The following PFKFB3 variants were observed in gnomAD, a reference collection of about 807,000 sequenced individuals.
The protein encoded by PFKFB3 is 6-phosphofructo-2-kinase/fructose-2,6-bisphosphatase 3.
A neutral mutation model predicts 68.0 loss-of-function variants in PFKFB3; 33 were observed. The ratio of observed to expected loss-of-function variants is 0.49; its 90% confidence interval spans 0.37 to 0.65. The LOEUF is 0.65. Among genes scored for constraint, PFKFB3 ranks in the 30% least tolerant of loss-of-function variants. PFKFB3 has a pLI of 0.00. For synonymous variants in PFKFB3, 315 were observed against 288.2 expected (o/e 1.09, Z -0.94); for missense variants, 586 against 712.2 (o/e 0.82, Z 2.02).
intron 1 of PFKFB3, among the ~76,000 whole-genome samples, chr10:6,165,388 A>G (rs1842102134): frequency 1.3e-5 from 2 of 152,238 alleles, no homozygotes; most frequent in African/African-American, 4.8e-5. Context: ...AGTATAGATC[A>G]AAATGGAGTT....
chr10:6,156,661 T>C (rs1419694086), intron 1 of PFKFB3, among the ~76,000 whole-genome samples: 1 of 147,240 alleles, frequency 6.8e-6, no homozygotes, highest in African/African-American at 2.5e-5. Context: ...CTAATTTTTG[T>C]ATTTTTAGTA....
intron 1 of PFKFB3, among the ~76,000 whole-genome samples, chr10:6,165,732 A>G (rs1211463794): frequency 6.6e-6 from 1 of 152,118 alleles, no homozygotes; most frequent in East Asian, 1.9e-4. Flanking sequence ...CAGGTTTGTT[A>G]TATAAGTAAA....
chr10:6,190,047 G>T (rs1243405639), intron 1 of PFKFB3, among the ~76,000 whole-genome samples: 1 of 151,890 alleles, frequency 6.6e-6, no homozygotes, highest in African/African-American at 2.4e-5. Context: ...GGGTTCAAGT[G>T]ATTCTCCTGC....
chr10:6,227,628 G>C (rs563209308), intron 14 of PFKFB3, among the ~76,000 whole-genome samples: 2 of 152,230 alleles, frequency 1.3e-5, no homozygotes, highest in Non-Finnish European at 2.9e-5. Flanking sequence ...TGGTGGGGAC[G>C]CGTAGACACG....
chr10:6,226,378 C>G lies in PFKFB3; in HGVS notation c.1515+13C>G, dbSNP rs1564641167. ...GCTGCCTGGACAAGTCAGTGCACTC[C>G]CCTTTCCTTCCTGCCTGGGGGACGC... is the stretch of plus-strand genomic sequence containing the variant. On this transcript the variant is annotated intron_variant, in intron 14 of 14. Coordinates refer to ENST00000379775, the MANE Select transcript of PFKFB3 (RefSeq NM_004566.4). 1.3e-6 allele frequency: 2 copies of G among 1,590,604 alleles called. No individual in the cohort carries two copies. The highest frequency in any genetic ancestry group is 4.5e-5 in the East Asian group (2 of 44,610).
chr10:6,164,792 G>A (rs1377787124), intron 1 of PFKFB3, among the ~76,000 whole-genome samples: 1 of 152,162 alleles, frequency 6.6e-6, no homozygotes, highest in African/African-American at 2.4e-5. Flanking sequence ...GTGCACATAG[G>A]CTAAGTTTAT....
intron 14 of PFKFB3, among the ~76,000 whole-genome samples, chr10:6,247,293 C>G (rs1468673295): frequency 6.6e-6 from 1 of 152,146 alleles, no homozygotes; most frequent in Non-Finnish European, 1.5e-5. Context: ...TGTTTGGAGC[C>G]AAACCTTGGT....
At position 6,215,201 on chromosome 10, in the gene PFKFB3, G is replaced by C; in HGVS notation, c.203-20G>C. Reference sequence around the variant, plus strand: ...TTCCTCCTGCTCGATCATCCAGACTGTTCTCTTTCCCGTCCACAGTGTTCA... The same window carrying C: ...TTCCTCCTGCTCGATCATCCAGACTCTTCTCTTTCCCGTCCACAGTGTTCA... On this transcript the variant is annotated intron_variant, in intron 2 of 14. Transcript: ENST00000379775. The surrounding 1 kb of genome is among the most constrained non-coding windows in gnomAD (Gnocchi z 4.3). The C allele has an allele frequency of 6.2e-7, 1 of 1,608,218 alleles. No individual in the cohort carries two copies. Among genetic ancestry groups the C allele is most frequent in the African/African-American group, 1.3e-5 (1 of 74,906 alleles).
chr10:6,222,511 C>G (rs899935228), intron 10 of PFKFB3, among the ~76,000 whole-genome samples: 2 of 152,240 alleles, frequency 1.3e-5, no homozygotes, highest in Non-Finnish European at 2.9e-5. Flanking sequence ...CCCGCCTGCC[C>G]GGCCCAGCCC....
the PFKFB3 span, among the ~76,000 whole-genome samples, chr10:6,303,221 A>C: frequency 6.6e-6 from 1 of 152,206 alleles, no homozygotes; most frequent in Non-Finnish European, 1.5e-5. Flanking sequence ...CTGTGTGAGG[A>C]ATACATTGAT....
intron 1 of PFKFB3, among the ~76,000 whole-genome samples, chr10:6,210,411 A>G (rs1427152902): frequency 1.2e-5 from 1 of 85,736 alleles, no homozygotes; most frequent in Non-Finnish European, 2.6e-5. Context: ...CCCAGGCTGG[A>G]GTGCAGTGGC....
At chr10:6,238,477 C>CAAAAAAAAAAAAAAAAAAAAAA (rs71390201), downstream of PFKFB3, among the ~76,000 whole-genome samples, 1 of 89,556 alleles carries the variant, frequency 1.1e-5, no homozygotes, top group Non-Finnish European at 2.0e-5. Flanking sequence ...GGTGCCATCT[C>CAAAAAAAAAAAAAAAAAAAAAA]AAAAAAAAAA....
intron 5 of PFKFB3, 119 bp downstream of exon 5, chr10:6,216,899 C>G (rs551939269): frequency 2.4e-6 from 2 of 841,830 alleles, no homozygotes; most frequent in Non-Finnish European, 4.0e-6. Flanking sequence ...TAGTCCTGCT[C>G]GGTCCCTCCC....
At chr10:6,302,738 A>G in the PFKFB3 span, among the ~76,000 whole-genome samples, 2 of 134,380 alleles carry the variant, frequency 1.5e-5, no homozygotes, top group Non-Finnish European at 3.1e-5. Flanking sequence ...AAATAAAAAT[A>G]TGTGTGTGTA....
chr10:6,176,398 C>T (rs1246303555), intron 1 of PFKFB3, among the ~76,000 whole-genome samples: 1 of 152,136 alleles, frequency 6.6e-6, no homozygotes, highest in African/African-American at 2.4e-5. Flanking sequence ...GTATTCTATA[C>T]TTCTCATTTA....
At chr10:6,181,662 G>A (rs546405617) in intron 1 of PFKFB3, among the ~76,000 whole-genome samples, 2 of 152,102 alleles carry the variant, frequency 1.3e-5, no homozygotes, top group East Asian at 1.9e-4. Context: ...GCAGGGTGTG[G>A]TGGGACACAT....
chr10:6,291,009 T>C, the PFKFB3 span, among the ~76,000 whole-genome samples: 1 of 152,300 alleles, frequency 6.6e-6, no homozygotes, highest in Non-Finnish European at 1.5e-5. Flanking sequence ...CATACATGAG[T>C]TTCATTTTTT....
chr10:6,238,759 C>T (rs540798687), downstream of PFKFB3, among the ~76,000 whole-genome samples: 1 of 152,152 alleles, frequency 6.6e-6, no homozygotes, highest in East Asian at 1.9e-4. Flanking sequence ...GTGGTGTTCC[C>T]CTCTATGTGT....
chr10:6,292,290 T>C, the PFKFB3 span, among the ~76,000 whole-genome samples: 4 of 125,104 alleles, frequency 3.2e-5, no homozygotes, highest in Admixed American at 7.9e-5. Flanking sequence ...TTTTTTTTTT[T>C]TTTTTTTTTT....
Sources: allele counts gnomAD v4.1 joint callset (sites outside exome capture counted in the v4.1 genomes callset), GRCh38; gene constraint gnomAD v4.1.1; non-coding constraint Gnocchi (gnomAD v3.1); transcripts MANE v1.5; gene names NCBI Gene and HGNC (gene_info 2026-07-23, HGNC 2026-07-21).